Variants in LUZP2 observed in about 807,000 individuals in gnomAD.
LUZP2 encodes leucine zipper protein 2.
In LUZP2, 52 loss-of-function variants were observed where a neutral mutation model predicts 51.6. That is an observed-to-expected ratio of 1.01 (90% confidence interval 0.81 to 1.27). The LOEUF (loss-of-function observed/expected upper bound fraction) is 1.27. LUZP2 is among the 50% of genes most tolerant of loss of function. The pLI is 0.00. For synonymous variants in LUZP2, 154 were observed against 137.3 expected (o/e 1.12, Z -0.85); for missense variants, 436 against 395.4 (o/e 1.10, Z -0.87).
Position 24,793,007 on chromosome 11 carries a change from C to T in LUZP2, c.396+29699C>T, listed in dbSNP as rs147193635. ...TTCCAGATTCATTGTCTTTCTTTGC[C>T]ATAACTGGTGAATTTCTGTTAGATC... On this transcript the variant is annotated intron_variant, in intron 5 of 11. Coordinates refer to ENST00000336930, the MANE Select transcript of LUZP2 (RefSeq NM_001009909.4). Among the ~76,000 whole-genome samples, 330 of 152,240 alleles carry T rather than the reference C, an allele frequency of 2.2e-3. 1 individual carries two copies. In the South Asian group the frequency reaches 0.022, roughly 10 times the overall value.
chr11:24,959,482 G>A (rs1855326941), intron 7 of LUZP2, among the ~76,000 whole-genome samples: 2 of 152,124 alleles, frequency 1.3e-5, no homozygotes, highest in South Asian at 4.1e-4. Context: ...TCCCTTGTAA[G>A]TTGGATTCCT....
At chr11:24,586,732 C>A (rs1033674185) in intron 1 of LUZP2, among the ~76,000 whole-genome samples, 1 of 152,052 alleles carries the variant, frequency 6.6e-6, no homozygotes, top group African/African-American at 2.4e-5. Flanking sequence ...AATTCAAATG[C>A]ATGAAATTTA....
At chr11:24,896,289 G>T (rs1853047107) in intron 5 of LUZP2, among the ~76,000 whole-genome samples, 1 of 152,082 alleles carries the variant, frequency 6.6e-6, no homozygotes, top group South Asian at 2.1e-4. Context: ...GGTGTGGAGG[G>T]AGAGGCGCCG....
intron 9 of LUZP2, among the ~76,000 whole-genome samples, chr11:25,010,138 G>C (rs1265742136): frequency 6.6e-6 from 1 of 152,124 alleles, no homozygotes; most frequent in East Asian, 1.9e-4. Flanking sequence ...GCATAGTTAA[G>C]ACCAATAATT....
intron 9 of LUZP2, among the ~76,000 whole-genome samples, chr11:25,009,909 C>T (rs1856935679): frequency 6.6e-6 from 1 of 152,150 alleles, no homozygotes; most frequent in South Asian, 2.1e-4. Context: ...TTCATCTTTA[C>T]TTTCACTTTG....
At chr11:24,502,480 G>A (rs150443039) in intron 1 of LUZP2, among the ~76,000 whole-genome samples, 6,475 of 152,152 alleles carry the variant, frequency 0.043, 175 homozygotes, top group Middle Eastern at 0.099. Context: ...TGCCTCCTGG[G>A]TTTAAGCAAT....
At chr11:24,571,579 A>T (rs987071043) in intron 1 of LUZP2, among the ~76,000 whole-genome samples, 8 of 152,038 alleles carry the variant, frequency 5.3e-5, no homozygotes, top group Non-Finnish European at 1.0e-4. Flanking sequence ...AAATCCCTTA[A>T]TCCAGTTATT....
intron 9 of LUZP2, among the ~76,000 whole-genome samples, chr11:24,997,976 T>C (rs1372922040): frequency 6.6e-6 from 1 of 152,206 alleles, no homozygotes; most frequent in Non-Finnish European, 1.5e-5. Context: ...TCCATTGATC[T>C]GTATCTCTGT....
chr11:24,870,492 C>CAG (rs887849299), intron 5 of LUZP2, among the ~76,000 whole-genome samples: 4 of 77,454 alleles, frequency 5.2e-5, no homozygotes, highest in African/African-American at 1.6e-4. Context: ...CACACACAGA[C>CAG]ACACACACAC....
chr11:24,747,811 G>T (rs1233542494), intron 4 of LUZP2, among the ~76,000 whole-genome samples: 1 of 152,094 alleles, frequency 6.6e-6, no homozygotes, highest in Admixed American at 6.5e-5. Flanking sequence ...CCTCTGCTGA[G>T]TCATGCAGGT....
At chr11:24,958,781 G>A (rs887139818) in intron 7 of LUZP2, among the ~76,000 whole-genome samples, 4 of 152,036 alleles carry the variant, frequency 2.6e-5, no homozygotes, top group Admixed American at 6.6e-5. Context: ...GTCAATTTTG[G>A]CTTTTGTTGC....
At chr11:25,065,312 T>C (rs987479104) in intron 10 of LUZP2, among the ~76,000 whole-genome samples, 10 of 152,070 alleles carry the variant, frequency 6.6e-5, no homozygotes, top group Non-Finnish European at 8.8e-5. Flanking sequence ...TGCCTGCTGC[T>C]GTCATAATTG....
chr11:24,866,976 A>G (rs1851919286), intron 5 of LUZP2, among the ~76,000 whole-genome samples: 1 of 152,178 alleles, frequency 6.6e-6, no homozygotes, highest in Non-Finnish European at 1.5e-5. Context: ...CATCCATTCC[A>G]GTCTTAAAAG....
intron 1 of LUZP2, among the ~76,000 whole-genome samples, chr11:24,573,872 AT>A (rs1452702387): frequency 6.7e-6 from 1 of 148,874 alleles, no homozygotes; most frequent in Non-Finnish European, 1.5e-5. Flanking sequence ...TATTTTTTTT[AT>A]TTTTTTAATT....
intron 1 of LUZP2, among the ~76,000 whole-genome samples, chr11:24,706,667 G>A (rs965804398): frequency 2.6e-5 from 4 of 152,070 alleles, no homozygotes; most frequent in Non-Finnish European, 4.4e-5. Context: ...TTGAAATCTC[G>A]TTTAAAATGT....
At chr11:24,957,511 G>A (rs1017701787) in intron 7 of LUZP2, among the ~76,000 whole-genome samples, 4 of 151,394 alleles carry the variant, frequency 2.6e-5, no homozygotes, top group African/African-American at 4.9e-5. Context: ...CCATCCCCTC[G>A]ATGCTTCCCA....
At chr11:25,016,605 C>A (rs9704783) in intron 9 of LUZP2, among the ~76,000 whole-genome samples, 16 of 148,166 alleles carry the variant, frequency 1.1e-4, no homozygotes, top group Non-Finnish European at 1.5e-5. Context: ...TATATATATA[C>A]AAACACACGT....
intron 5 of LUZP2, among the ~76,000 whole-genome samples, chr11:24,784,028 C>A (rs1008656958): frequency 6.6e-6 from 1 of 151,858 alleles, no homozygotes; most frequent in Non-Finnish European, 1.5e-5. Context: ...CTAGGCCTTT[C>A]TTGCGTGGCT....
intron 1 of LUZP2, among the ~76,000 whole-genome samples, chr11:24,559,521 G>A (rs1369172313): frequency 6.6e-6 from 1 of 152,132 alleles, no homozygotes; most frequent in East Asian, 1.9e-4. Context: ...GACACTATAG[G>A]TAGACAGGAA....
Sources: gnomAD v4.1 joint callset for allele counts (sites outside exome capture counted in the v4.1 genomes callset) on GRCh38, gnomAD v4.1.1 for gene constraint, MANE v1.5 for transcripts, NCBI Gene and HGNC (gene_info 2026-07-23, HGNC 2026-07-21) for gene names.